Variants in CCDC81 observed in about 807,000 individuals in gnomAD.
CCDC81 encodes coiled-coil domain containing 81.
Under a neutral mutation model 83.7 loss-of-function variants are expected in CCDC81, and 79 were observed. The observed-to-expected ratio is 0.94, with a 90% CI of 0.79 to 1.14. CCDC81 has a LOEUF of 1.14. Among genes scored for constraint, CCDC81 ranks in the 50% most tolerant of loss-of-function variants. The probability of loss-of-function intolerance (pLI) is 0.00; values close to 1 mark genes in which losing one functional copy is unlikely to be tolerated. For missense variants in CCDC81, 791 were observed against 778.1 expected, an observed-to-expected ratio of 1.02 and a Z score of -0.20; for synonymous variants, 252 against 278.1, an observed-to-expected ratio of 0.91 and a Z score of 0.93.
At chr11:86,394,404 G>T (rs1408356329) in intron 4 of CCDC81, among the ~76,000 whole-genome samples, 3 of 152,230 alleles carry the variant, frequency 2.0e-5, no homozygotes, top group Non-Finnish European at 4.4e-5. Flanking sequence ...ACATCAGCAT[G>T]TTAAAGGAGC....
At position 86,383,809 on chromosome 11, in the gene CCDC81, G is replaced by A. The variant is rs546176792; in HGVS notation, c.80-2242G>A. ...AATCTATTCCGATTGGATTGCAGGGGCCTAAAGCCTCCTAAGGCAAATGAT... is the reference window on the plus strand; with the variant it reads ...AATCTATTCCGATTGGATTGCAGGGACCTAAAGCCTCCTAAGGCAAATGAT... On this transcript the variant is annotated intron_variant, in intron 1 of 14. Transcript: ENST00000445632. Among the ~76,000 whole-genome samples, 9 of 152,276 alleles carry A rather than the reference G, an allele frequency of 5.9e-5. No individual in the cohort carries two copies. In the South Asian group the frequency reaches 1.5e-3, roughly 25 times the overall value.
Position 86,414,865 on chromosome 11 carries a change from C to A in CCDC81, c.1468C>A (p.Gln490Lys), listed in dbSNP as rs1459772606. ...TQCYKRALDAQIKNKPSRLPP... is the reference protein window; with the variant it reads ...TQCYKRALDAKIKNKPSRLPP... ...GTGTTACAAGAGAGCTTTGGATGCA[C>A]AGGTAAGGGGACAGACAAATATTAT... The change falls in exon 12 of 15, where the codon CAG becomes AAG. Residue 490 changes from glutamine to lysine, a missense_variant and splice_region_variant. Transcript: ENST00000445632. 6.2e-7 allele frequency: 1 copy of A among 1,605,106 alleles called. No homozygotes were observed.
chr11:86,419,043 G>A (rs1198379917), intron 13 of CCDC81: 3 of 152,158 alleles, frequency 2.0e-5, no homozygotes, highest in African/African-American at 7.2e-5. Context: ...TAGATGAAAA[G>A]GTGTGCCGTT....
intron 10 of CCDC81, among the ~76,000 whole-genome samples, chr11:86,410,055 G>A (rs1354348858): frequency 2.0e-5 from 3 of 152,292 alleles, no homozygotes; most frequent in African/African-American, 7.2e-5. Flanking sequence ...CTCCCTGAAT[G>A]GGCATCTATG....
intron 2 of CCDC81, 125 bp from the exon 3 acceptor site, chr11:86,387,391 T>C: frequency 1.3e-6 from 1 of 795,380 alleles, no homozygotes; most frequent in South Asian, 1.7e-5. Context: ...TGAAGAGTCC[T>C]AGAGATCACT....
At position 86,422,944 on chromosome 11, in the gene CCDC81, C is replaced by T; in HGVS notation, c.*229C>T. The T allele has an allele frequency of 2.0e-6, 1 of 502,566 alleles. No individual in the cohort carries two copies. Among genetic ancestry groups the T allele is most frequent in the East Asian group, 3.5e-5 (1 of 28,210 alleles). 31.1% of individuals were successfully genotyped at this position (502,566 alleles called of 1,614,324 possible). On this transcript the variant is annotated 3_prime_UTR_variant, in exon 15 of 15. Transcript: ENST00000445632. ...TGGCAGTGAAGGTGTCTGAATGGTCCTGAGGGCTAGAACCTGCTGCACAGG... is the reference window on the plus strand; with the variant it reads ...TGGCAGTGAAGGTGTCTGAATGGTCTTGAGGGCTAGAACCTGCTGCACAGG...
intron 11 of CCDC81, among the ~76,000 whole-genome samples, chr11:86,413,847 C>T (rs1426013712): frequency 6.6e-6 from 1 of 152,126 alleles, no homozygotes; most frequent in Non-Finnish European, 1.5e-5. Flanking sequence ...CCATGTAGAG[C>T]GGCTTTCCCT....
intron 1 of CCDC81, among the ~76,000 whole-genome samples, chr11:86,378,512 A>C (rs1438510776): frequency 2.6e-5 from 4 of 152,162 alleles, no homozygotes; most frequent in Non-Finnish European, 5.9e-5. Flanking sequence ...GTTGAGTTCA[A>C]CTATGCCTTT....
At chr11:86,382,708 A>G (rs1392380671) in intron 1 of CCDC81, among the ~76,000 whole-genome samples, 1 of 152,144 alleles carries the variant, frequency 6.6e-6, no homozygotes, top group Non-Finnish European at 1.5e-5. Context: ...GAAGCAACCT[A>G]GGACTGTACC....
intron 1 of CCDC81, 42 bp downstream of exon 1, chr11:86,375,284 T>A: frequency 1.3e-6 from 2 of 1,539,622 alleles, no homozygotes; most frequent in South Asian, 2.2e-5. Context: ...GGGGATTGAA[T>A]CTTCATCTGC....
At position 86,416,318 on chromosome 11, in the gene CCDC81, G is replaced by C. The variant is rs372646279; in HGVS notation, c.1691+1005G>C. 2.6e-4 allele frequency among the ~76,000 whole-genome samples: 39 copies of C among 152,192 alleles called. No individual in the cohort carries two copies. In the East Asian group the frequency reaches 4.6e-3, roughly 18 times the overall value. On this transcript the variant is annotated intron_variant, in intron 13 of 14. Transcript: ENST00000445632. ...TAGGTAAGCATTCAGCTCCTCTTTAGCTTCTGTTTTATAACAGCAGAACCA... is the reference window on the plus strand; with the variant it reads ...TAGGTAAGCATTCAGCTCCTCTTTACCTTCTGTTTTATAACAGCAGAACCA...
At chr11:86,396,006 A>G (rs905984545) in intron 5 of CCDC81, among the ~76,000 whole-genome samples, 1 of 152,172 alleles carries the variant, frequency 6.6e-6, no homozygotes, top group African/African-American at 2.4e-5. Context: ...CAGTATTAGT[A>G]AAACTCTTCT....
intron 5 of CCDC81, among the ~76,000 whole-genome samples, chr11:86,396,351 T>A (rs1948408955): frequency 6.6e-6 from 1 of 152,240 alleles, no homozygotes; most frequent in African/African-American, 2.4e-5. Flanking sequence ...GTCAGGAGAC[T>A]TTAGTTTTAT....
chr11:86,403,028 T>TC (rs1948514499), intron 7 of CCDC81, among the ~76,000 whole-genome samples: 1 of 148,364 alleles, frequency 6.7e-6, no homozygotes, highest in African/African-American at 2.5e-5. Flanking sequence ...TTTTTTTTTT[T>TC]TTTTTTGTAG....
At chr11:86,420,567 A>G (rs1158118487) in intron 14 of CCDC81, among the ~76,000 whole-genome samples, 4 of 152,228 alleles carry the variant, frequency 2.6e-5, no homozygotes, top group Non-Finnish European at 5.9e-5. Context: ...TTGAAAAAAA[A>G]TTAAAATACG....
chr11:86,415,766 T>G (rs549411712), intron 13 of CCDC81, among the ~76,000 whole-genome samples: 1 of 152,252 alleles, frequency 6.6e-6, no homozygotes, highest in East Asian at 1.9e-4. Flanking sequence ...CTCAACATCC[T>G]GGACTCGAGC....
At chr11:86,410,136 G>A (rs895610698) in intron 10 of CCDC81, among the ~76,000 whole-genome samples, 2 of 152,200 alleles carry the variant, frequency 1.3e-5, no homozygotes. Context: ...ATGGTGGTGA[G>A]CCAACTGCTT....
chr11:86,384,741 T>C (rs1198405279), intron 1 of CCDC81, among the ~76,000 whole-genome samples: 14 of 152,358 alleles, frequency 9.2e-5, no homozygotes, highest in African/African-American at 3.1e-4. Context: ...GTCACTGTTC[T>C]TGATTTTTTA....
intron 7 of CCDC81, among the ~76,000 whole-genome samples, chr11:86,401,942 C>T (rs184286028): frequency 2.4e-4 from 36 of 152,048 alleles, no homozygotes; most frequent in African/African-American, 2.4e-5. Flanking sequence ...CAAGACTATC[C>T]TGGCTAACAC....
Sources: gnomAD v4.1 joint callset for allele counts (sites outside exome capture counted in the v4.1 genomes callset) on GRCh38, gnomAD v4.1.1 for gene constraint, MANE v1.5 for transcripts, NCBI Gene and HGNC (gene_info 2026-07-23, HGNC 2026-07-21) for gene names.